Variants in CD96 observed in about 807,000 individuals in gnomAD.
CD96 encodes CD96 molecule, also known as T-cell surface protein tactile.
Under a neutral mutation model 71.3 loss-of-function variants are expected in CD96, and 70 were observed. The ratio of observed to expected loss-of-function variants is 0.98; its 90% CI spans 0.81 to 1.20. CD96 has a LOEUF of 1.20. Ranked by LOEUF, CD96 falls within the 50% of genes most tolerant of loss-of-function variation. CD96 has a pLI of 0.00. For missense variants in CD96, 742 were observed against 677.5 expected (o/e 1.10, Z -1.06); for synonymous variants, 248 against 233.0 (o/e 1.06, Z -0.59).
intron 8 of CD96, among the ~76,000 whole-genome samples, chr3:111,608,018 C>T (rs937527555): frequency 1.4e-5 from 2 of 146,894 alleles, no homozygotes; most frequent in Non-Finnish European, 3.0e-5. Context: ...CATATATTGT[C>T]GCATATGGTT....
chr3:111,631,702 G>A lies in CD96; in HGVS notation c.1322-5494G>A, dbSNP rs139043568. On this transcript the variant is annotated intron_variant, in intron 10 of 13. Transcript: ENST00000352690. ...CAAAGCAAAAAGAACAAAGCTGGAG[G>A]CATCATGCTACCCAACTTCAAACTA... 5.7e-4 allele frequency among the ~76,000 whole-genome samples: 87 copies of A among 151,826 alleles called. 3 individuals carry two copies. Among genetic ancestry groups the A allele is most frequent in the African/African-American group, 2.0e-3 (84 of 41,412 alleles).
chr3:111,547,707 C>T (rs1934483798), intron 2 of CD96, among the ~76,000 whole-genome samples: 1 of 152,152 alleles, frequency 6.6e-6, no homozygotes, highest in Non-Finnish European at 1.5e-5. Context: ...CGTATCTATA[C>T]TTTTTGCGGT....
At chr3:111,649,226 G>A (rs1939968374) in intron 13 of CD96, among the ~76,000 whole-genome samples, 1 of 152,164 alleles carries the variant, frequency 6.6e-6, no homozygotes, top group Non-Finnish European at 1.5e-5. Context: ...CTATTAGGAG[G>A]CAGTTGTCAT....
At position 111,650,026 on chromosome 3, in the gene CD96, T is replaced by C; in HGVS notation, c.*220T>C. The C allele has an allele frequency of 3.6e-6, 2 of 560,004 alleles. No individual in the cohort carries two copies. Among genetic ancestry groups the C allele is most frequent in the African/African-American group, 1.9e-5 (1 of 53,226 alleles). The allele number at this position is 560,004 out of a possible 1,614,324, so 34.7% of individuals were successfully genotyped here. On this transcript the variant is annotated 3_prime_UTR_variant, in exon 14 of 14. Coordinates refer to ENST00000352690, the MANE Select transcript of CD96 (RefSeq NM_005816.5). ...GAGGATATGTCATGTTCACACTCAATGCAATTCGTAGTGGTTTTCTTGCTT... is the reference window on the plus strand; with the variant it reads ...GAGGATATGTCATGTTCACACTCAACGCAATTCGTAGTGGTTTTCTTGCTT...
At chr3:111,593,563 A>C in intron 5 of CD96, 1 of 1,528,000 alleles carries the variant, frequency 6.5e-7, no homozygotes, top group Non-Finnish European at 8.8e-7. Flanking sequence ...AATGGAAGGG[A>C]TGTACTGCTG....
At chr3:111,605,624 A>G (rs1937601837) in intron 7 of CD96, among the ~76,000 whole-genome samples, 1 of 152,226 alleles carries the variant, frequency 6.6e-6, no homozygotes, top group Non-Finnish European at 1.5e-5. Flanking sequence ...TTTGCACAAA[A>G]GCATTCATAT....
At chr3:111,555,552 A>G (rs982123889) in intron 2 of CD96, among the ~76,000 whole-genome samples, 7 of 152,300 alleles carry the variant, frequency 4.6e-5, no homozygotes, top group African/African-American at 1.2e-4. Context: ...TCTGATTAAA[A>G]TGAGCCACTA....
intron 5 of CD96, among the ~76,000 whole-genome samples, chr3:111,590,507 A>G (rs1936927215): frequency 6.6e-6 from 1 of 152,208 alleles, no homozygotes; most frequent in African/African-American, 2.4e-5. Flanking sequence ...GTTTATGGCT[A>G]ATTTTAGTAT....
At position 111,626,353 on chromosome 3, in the gene CD96, C is replaced by A. The variant is rs1252482396; in HGVS notation, c.1321+1949C>A. On this transcript the variant is annotated intron_variant, in intron 10 of 13. Coordinates refer to ENST00000352690, the MANE Select transcript of CD96 (RefSeq NM_005816.5). ...AGAAATGCTCAGTGTCTCTGGTAAT[C>A]AGGAAATATAAATGAAGACTAGAAT... is the stretch of plus-strand genomic sequence containing the variant. Among the ~76,000 whole-genome samples, 3 of 143,222 alleles carry A rather than the reference C, an allele frequency of 2.1e-5. No homozygotes were observed. The East Asian group carries it at 6.2e-4, about 30-fold the overall frequency. 94.0% of individuals were successfully genotyped at this position (143,222 alleles called of 152,430 possible).
At chr3:111,544,386 G>GC (rs1934273175) in intron 1 of CD96, among the ~76,000 whole-genome samples, 1 of 151,832 alleles carries the variant, frequency 6.6e-6, no homozygotes, top group South Asian at 2.1e-4. Context: ...CTCATGATCT[G>GC]CCCACCTCAG....
chr3:111,613,297 T>A (rs1445762905), intron 8 of CD96, among the ~76,000 whole-genome samples: 1 of 152,216 alleles, frequency 6.6e-6, no homozygotes, highest in Non-Finnish European at 1.5e-5. Flanking sequence ...CTGTCCTGCT[T>A]ACTGTCATCT....
At chr3:111,614,504 G>A (rs560597393) in intron 8 of CD96, among the ~76,000 whole-genome samples, 62 of 152,234 alleles carry the variant, frequency 4.1e-4, no homozygotes, top group South Asian at 2.3e-3. Flanking sequence ...CTGTCCCTTG[G>A]TGCAGGCCAT....
intron 14 of CD96, among the ~76,000 whole-genome samples, chr3:111,659,411 G>A (rs1280620006): frequency 1.3e-5 from 2 of 151,776 alleles, no homozygotes; most frequent in South Asian, 4.2e-4. Flanking sequence ...GTTAGCTTTG[G>A]GGTTGGTTTT....
chr3:111,640,765 A>G (rs943284060), intron 12 of CD96, among the ~76,000 whole-genome samples: 1 of 152,224 alleles, frequency 6.6e-6, no homozygotes, highest in Non-Finnish European at 1.5e-5. Context: ...ATAGAGGAAA[A>G]TCTATCAGAT....
At position 111,606,523 on chromosome 3, in the gene CD96, G is replaced by A. The variant is rs567511469; in HGVS notation, c.1088-177G>A. On this transcript the variant is annotated intron_variant, in intron 7 of 13. Transcript: ENST00000352690. ...TCCAGGCCATAGGCCCTTTAAGGACGATCCCATGTCTTCCTCATTCATCAT... is the reference window on the plus strand; with the variant it reads ...TCCAGGCCATAGGCCCTTTAAGGACAATCCCATGTCTTCCTCATTCATCAT... Among the ~76,000 whole-genome samples the A allele has an allele frequency of 1.3e-4, 20 of 152,222 alleles. 1 individual carries two copies. The highest frequency in any genetic ancestry group is 3.9e-4 in the East Asian group (2 of 5,182).
At chr3:111,615,639 G>GTTTAGAAT (rs1174494761) in intron 8 of CD96, among the ~76,000 whole-genome samples, 1 of 152,096 alleles carries the variant, frequency 6.6e-6, no homozygotes, top group African/African-American at 2.4e-5. Context: ...AATAATCTAG[G>GTTTAGAAT]TTTAGAATGA....
At chr3:111,558,765 T>C (rs1408783030) in intron 2 of CD96, among the ~76,000 whole-genome samples, 2 of 136,476 alleles carry the variant, frequency 1.5e-5, no homozygotes, top group African/African-American at 5.6e-5. Context: ...TTGATTGGAA[T>C]AGTTTCAGAA....
At chr3:111,611,700 A>G (rs1937946509) in intron 8 of CD96, among the ~76,000 whole-genome samples, 1 of 152,220 alleles carries the variant, frequency 6.6e-6, no homozygotes. Context: ...CAGGGTCTGG[A>G]AGAAAATACT....
chr3:111,614,496 G>A (rs1411164078), intron 8 of CD96, among the ~76,000 whole-genome samples: 1 of 152,162 alleles, frequency 6.6e-6, no homozygotes. Flanking sequence ...TATGGCTGCT[G>A]TCCCTTGGTG....
Sources: allele counts gnomAD v4.1 joint callset (sites outside exome capture counted in the v4.1 genomes callset), GRCh38; gene constraint gnomAD v4.1.1; transcripts MANE v1.5; gene names NCBI Gene and HGNC (gene_info 2026-07-23, HGNC 2026-07-21).